The following NPFFR2 variants were observed in gnomAD, a reference collection of about 807,000 sequenced individuals.
The protein encoded by NPFFR2 is neuropeptide FF receptor 2, also known as G-protein coupled receptor 74.
In NPFFR2, 15 loss-of-function variants were observed where a neutral mutation model predicts 13.1. The observed-to-expected ratio is 1.15, with a 90% confidence interval of 0.77 to 1.76. The LOEUF (loss-of-function observed/expected upper bound fraction) is 1.76, where lower values mean the gene tolerates loss of function less well. Ranked by LOEUF, NPFFR2 falls within the 40% of genes most tolerant of loss-of-function variation. The probability of loss-of-function intolerance (pLI) is 0.00; values close to 1 mark genes in which losing one functional copy is unlikely to be tolerated. For missense variants in NPFFR2, 572 were observed against 503.5 expected, an observed-to-expected ratio of 1.14 and a Z score of -1.30; for synonymous variants, 190 against 175.7, an observed-to-expected ratio of 1.08 and a Z score of -0.65.
chr4:72,088,334 A>G (rs1334162455), intron 1 of NPFFR2, among the ~76,000 whole-genome samples: 2 of 152,026 alleles, frequency 1.3e-5, no homozygotes, highest in Non-Finnish European at 2.9e-5. Context: ...TGTCTCTAAC[A>G]TATTGATGAA....
intron 1 of NPFFR2, among the ~76,000 whole-genome samples, chr4:72,051,624 A>T (rs1719584816): frequency 6.6e-6 from 1 of 151,762 alleles, no homozygotes; most frequent in African/African-American, 2.4e-5. Flanking sequence ...AGCTAGCAGA[A>T]GGCAAGAAAT....
chr4:72,138,734 G>A lies in NPFFR2; in HGVS notation c.428+595G>A, dbSNP rs143784954. Among the ~76,000 whole-genome samples, 711 of 152,268 alleles carry A rather than the reference G, an allele frequency of 4.7e-3. 7 individuals carry two copies. Among genetic ancestry groups the A allele is most frequent in the African/African-American group, 0.016 (683 of 41,536 alleles). On this transcript the variant is annotated intron_variant, in intron 3 of 3. Transcript: ENST00000308744. The stretch of plus-strand genomic sequence containing the variant: ...CCACAATAAACATACGTGTGCATGT[G>A]TCTTTATAGTAGCATGCTTTATAAT...
chr4:72,054,757 A>G (rs1476391878), intron 1 of NPFFR2, among the ~76,000 whole-genome samples: 3 of 151,828 alleles, frequency 2.0e-5, no homozygotes, highest in African/African-American at 7.3e-5. Flanking sequence ...TACTTTATCC[A>G]GAAGATATAA....
intron 1 of NPFFR2, among the ~76,000 whole-genome samples, chr4:72,107,868 A>G (rs529013888): frequency 6.6e-6 from 1 of 152,158 alleles, no homozygotes; most frequent in East Asian, 1.9e-4. Context: ...AATATTATTT[A>G]TGTGTATTTC....
Position 72,032,184 on chromosome 4 carries a change from A to G in NPFFR2, c.-24A>G. 6.2e-7 allele frequency: 1 copy of G among 1,610,156 alleles called. No individual in the cohort carries two copies. Among genetic ancestry groups the G allele is most frequent in the South Asian group, 1.1e-5 (1 of 90,580 alleles). ...GTGGATTCTGGTTCCTGCCGCCGAC[A>G]GGGCTCGCCGGGAGAGGTAACAGCA... On this transcript the variant is annotated 5_prime_UTR_variant, in exon 1 of 4. Transcript: ENST00000308744.
chr4:72,132,136 T>G (rs1158435033), intron 2 of NPFFR2, among the ~76,000 whole-genome samples: 1 of 152,050 alleles, frequency 6.6e-6, no homozygotes, highest in Admixed American at 6.5e-5. Flanking sequence ...ATTGGTTTTT[T>G]TTTTTTCCTG....
chr4:72,135,404 T>C (rs1722378822), intron 2 of NPFFR2, among the ~76,000 whole-genome samples: 1 of 152,134 alleles, frequency 6.6e-6, no homozygotes, highest in South Asian at 2.1e-4. Context: ...TCTGGATTGC[T>C]CTTTTAATTT....
chr4:72,048,398 A>G (rs1719440633), intron 1 of NPFFR2, among the ~76,000 whole-genome samples: 1 of 152,146 alleles, frequency 6.6e-6, no homozygotes, highest in African/African-American at 2.4e-5. Context: ...ATTTTTAATC[A>G]GATAAAAATT....
chr4:72,085,455 G>A (rs1011822013), intron 1 of NPFFR2, among the ~76,000 whole-genome samples: 6 of 152,018 alleles, frequency 3.9e-5, no homozygotes, highest in Non-Finnish European at 8.8e-5. Context: ...TATATTTTAT[G>A]TTTTTTCTCT....
intron 1 of NPFFR2, among the ~76,000 whole-genome samples, chr4:72,086,345 C>T (rs921881502): frequency 6.6e-6 from 1 of 152,048 alleles, no homozygotes; most frequent in African/African-American, 2.4e-5. Flanking sequence ...ACGTAGATAG[C>T]AGTCTGATGG....
chr4:72,119,695 T>C (rs1457080924), intron 1 of NPFFR2, among the ~76,000 whole-genome samples: 1 of 152,158 alleles, frequency 6.6e-6, no homozygotes, highest in Non-Finnish European at 1.5e-5. Flanking sequence ...ATCCCTCTCC[T>C]AGCCAAGGGA....
At chr4:72,078,943 G>A (rs373527806) in intron 1 of NPFFR2, among the ~76,000 whole-genome samples, 4 of 151,992 alleles carry the variant, frequency 2.6e-5, no homozygotes, top group East Asian at 1.9e-4. Flanking sequence ...GAGGGTGGGA[G>A]GTGGCTGTTG....
intron 1 of NPFFR2, among the ~76,000 whole-genome samples, chr4:72,050,599 A>C (rs2109764346): frequency 6.6e-6 from 1 of 152,096 alleles, no homozygotes; most frequent in Non-Finnish European, 1.5e-5. Flanking sequence ...TTACCTCAAA[A>C]TACATTTCTT....
intron 1 of NPFFR2, among the ~76,000 whole-genome samples, chr4:72,083,740 A>G (rs985974104): frequency 6.6e-6 from 1 of 152,060 alleles, no homozygotes; most frequent in Non-Finnish European, 1.5e-5. Flanking sequence ...ATAATTCCCA[A>G]ATTGATCTCA....
chr4:72,072,945 C>A (rs565454224), intron 1 of NPFFR2, among the ~76,000 whole-genome samples: 5 of 152,112 alleles, frequency 3.3e-5, no homozygotes, highest in African/African-American at 1.2e-4. Flanking sequence ...AGCAAAATGG[C>A]AGCAGTAGGT....
chr4:72,053,975 A>G (rs926693727), intron 1 of NPFFR2, among the ~76,000 whole-genome samples: 17 of 151,870 alleles, frequency 1.1e-4, no homozygotes, highest in Admixed American at 3.9e-4. Context: ...ATTGAATAGC[A>G]TGTTCATATT....
At chr4:72,057,124 A>T (rs1332871981) in intron 1 of NPFFR2, among the ~76,000 whole-genome samples, 1 of 151,992 alleles carries the variant, frequency 6.6e-6, no homozygotes, top group East Asian at 1.9e-4. Context: ...GCTCTTCCTT[A>T]TATTGGATTG....
At chr4:72,054,632 CTT>C (rs1428288315) in intron 1 of NPFFR2, among the ~76,000 whole-genome samples, 1 of 151,814 alleles carries the variant, frequency 6.6e-6, no homozygotes, top group Non-Finnish European at 1.5e-5. Flanking sequence ...ACACAATTAA[CTT>C]TATCAAAACT....
chr4:72,102,269 G>A (rs1437542239), intron 1 of NPFFR2, among the ~76,000 whole-genome samples: 1 of 152,024 alleles, frequency 6.6e-6, no homozygotes, highest in Non-Finnish European at 1.5e-5. Context: ...TGGACTTTGT[G>A]TTAGAAGTAA....
Sources: allele counts gnomAD v4.1 joint callset (sites outside exome capture counted in the v4.1 genomes callset), GRCh38; gene constraint gnomAD v4.1.1; transcripts MANE v1.5; gene names NCBI Gene and HGNC (gene_info 2026-07-23, HGNC 2026-07-21).